The following RABGAP1L variants were observed in gnomAD, a reference collection of about 807,000 sequenced individuals.
RABGAP1L encodes the protein rab GTPase-activating protein 1-like.
In RABGAP1L, 63 loss-of-function variants were observed where a neutral mutation model predicts 137.7. The ratio of observed to expected loss-of-function variants is 0.46; its 90% CI spans 0.37 to 0.56. The LOEUF is 0.56. RABGAP1L is among the 20% of genes least tolerant of loss of function. The pLI is 0.00. For missense variants in RABGAP1L, 1,095 were observed against 1,244.0 expected (o/e 0.88, Z 1.80); for synonymous variants, 431 against 433.7 (o/e 0.99, Z 0.08).
chr1:174,472,116 T>C (rs1658010173), intron 13 of RABGAP1L, among the ~76,000 whole-genome samples: 1 of 152,210 alleles, frequency 6.6e-6, no homozygotes, highest in Non-Finnish European at 1.5e-5. Flanking sequence ...CTTTCCAGCT[T>C]CTAAAACTGT....
At chr1:174,322,750 A>G (rs544267231) in intron 11 of RABGAP1L, among the ~76,000 whole-genome samples, 2 of 152,278 alleles carry the variant, frequency 1.3e-5, no homozygotes, top group East Asian at 1.9e-4. Context: ...GGTCATCTCT[A>G]TCTCAGCTGA....
chr1:174,718,922 C>G (rs560681910), intron 17 of RABGAP1L, among the ~76,000 whole-genome samples: 2 of 150,534 alleles, frequency 1.3e-5, no homozygotes, highest in Non-Finnish European at 2.9e-5. Context: ...TCACCACAAC[C>G]TCTGCTTCCC....
chr1:174,904,828 G>C (rs866038997), intron 19 of RABGAP1L, among the ~76,000 whole-genome samples: 1 of 151,674 alleles, frequency 6.6e-6, no homozygotes, highest in African/African-American at 2.4e-5. Flanking sequence ...TTTAAAATTT[G>C]TTTGTAGAGA....
intron 18 of RABGAP1L, among the ~76,000 whole-genome samples, chr1:174,794,051 AC>A (rs1688058881): frequency 6.6e-6 from 1 of 152,086 alleles, no homozygotes. Flanking sequence ...ATTTTACACT[AC>A]CACGATGGCA....
At chr1:174,374,034 A>G (rs1246371336) in intron 12 of RABGAP1L, among the ~76,000 whole-genome samples, 2 of 152,238 alleles carry the variant, frequency 1.3e-5, no homozygotes, top group Non-Finnish European at 2.9e-5. Flanking sequence ...TAAGAAAAAA[A>G]ACAGCACCAA....
At chr1:174,355,725 G>A (rs1040759183) in intron 11 of RABGAP1L, among the ~76,000 whole-genome samples, 10 of 152,088 alleles carry the variant, frequency 6.6e-5, no homozygotes, top group African/African-American at 2.4e-4. Context: ...GGGTTTCAAT[G>A]ATTAATGATA....
intron 10 of RABGAP1L, among the ~76,000 whole-genome samples, chr1:174,302,311 A>G (rs1015157660): frequency 6.6e-6 from 1 of 152,240 alleles, no homozygotes; most frequent in East Asian, 1.9e-4. Flanking sequence ...AATGATAACA[A>G]GAAATAACAC....
intron 19 of RABGAP1L, among the ~76,000 whole-genome samples, chr1:174,841,844 A>G (rs1693440860): frequency 6.6e-6 from 1 of 151,816 alleles, no homozygotes; most frequent in African/African-American, 2.4e-5. Context: ...CTAAACTATT[A>G]GCACAGAATA....
chr1:174,597,622 T>C (rs1435840932), intron 13 of RABGAP1L, among the ~76,000 whole-genome samples: 2 of 152,120 alleles, frequency 1.3e-5, no homozygotes, highest in Non-Finnish European at 2.9e-5. Flanking sequence ...TCCTACAGGT[T>C]TGTTGATTTT....
chr1:174,487,625 A>G (rs527929246), intron 13 of RABGAP1L, among the ~76,000 whole-genome samples: 1 of 152,144 alleles, frequency 6.6e-6, no homozygotes, highest in South Asian at 2.1e-4. Context: ...TTTACATTCA[A>G]TGTTATTATT....
chr1:174,195,829 CCTT>C lies in RABGAP1L; in HGVS notation c.-33-23286_-33-23284del, dbSNP rs1172482971. On this transcript the variant is annotated intron_variant, in intron 1 of 25. Transcript: ENST00000681986. ...TCTTTCTATCCTTCTTTCTTTCTAT[CCTT>C]CTTCTTCTTTTTTTTTTTTTTGAGA... is the stretch of plus-strand genomic sequence containing the variant. Among the ~76,000 whole-genome samples the C allele has an allele frequency of 6.2e-4, 67 of 108,522 alleles. 2 individuals carry two copies. The highest frequency in any genetic ancestry group is 1.7e-3 in the African/African-American group (56 of 33,644). 71.2% of individuals were successfully genotyped at this position (108,522 alleles called of 152,430 possible).
At chr1:174,340,515 T>C (rs1368288226) in intron 11 of RABGAP1L, among the ~76,000 whole-genome samples, 3 of 152,222 alleles carry the variant, frequency 2.0e-5, no homozygotes, top group Non-Finnish European at 4.4e-5. Context: ...CTTATGAGAA[T>C]ATGCAGTGTT....
intron 13 of RABGAP1L, among the ~76,000 whole-genome samples, chr1:174,606,080 A>G (rs1670770203): frequency 6.6e-6 from 1 of 152,154 alleles, no homozygotes; most frequent in Non-Finnish European, 1.5e-5. Flanking sequence ...TGTTATAACA[A>G]GTTAGGGAGA....
rs1054068060 is a variant in RABGAP1L, at chr1:174,993,213, T to TA, written c.*3214dup. On this transcript the variant is annotated 3_prime_UTR_variant, in exon 26 of 26. Transcript: ENST00000681986. ...TTTAATGCAAAGAAATTCTGTTACT[T>TA]AATGTTCTGTTTATTTATGAGTGCC... 2 of 152,218 alleles carry TA rather than the reference T, an allele frequency of 1.3e-5. No individual in the cohort carries two copies. Among genetic ancestry groups the TA allele is most frequent in the Non-Finnish European group, 2.9e-5 (2 of 68,034 alleles). 9.4% of individuals were successfully genotyped at this position (152,218 alleles called of 1,614,324 possible). A position where few individuals can be genotyped will look rare whatever the true frequency, so the allele number is the denominator to read the frequency against.
chr1:174,768,980 G>T (rs931620286), intron 18 of RABGAP1L, among the ~76,000 whole-genome samples: 2 of 150,216 alleles, frequency 1.3e-5, no homozygotes, highest in Admixed American at 6.6e-5. Context: ...TATCAGAAAA[G>T]TTTTTTTTTT....
chr1:174,280,479 A>G (rs769543859), intron 10 of RABGAP1L, among the ~76,000 whole-genome samples: 2 of 152,202 alleles, frequency 1.3e-5, no homozygotes, highest in African/African-American at 2.4e-5. Flanking sequence ...CTGTACCCAG[A>G]CAGGATTAGA....
intron 13 of RABGAP1L, among the ~76,000 whole-genome samples, chr1:174,582,619 C>T (rs1215402736): frequency 5.9e-5 from 9 of 152,100 alleles, no homozygotes; most frequent in Non-Finnish European, 1.2e-4. Flanking sequence ...CTTTGTCAGT[C>T]GCTGTCCACT....
chr1:174,481,901 AAG>A (rs1202956455), intron 13 of RABGAP1L, among the ~76,000 whole-genome samples: 1 of 150,512 alleles, frequency 6.6e-6, no homozygotes, highest in Non-Finnish European at 1.5e-5. Context: ...AAGAAAAAAA[AAG>A]AAAAAAAAAA....
At position 174,444,178 on chromosome 1, in the gene RABGAP1L, A is replaced by C. The variant is rs181652523; in HGVS notation, c.1710+50033A>C. 1.9e-3 allele frequency among the ~76,000 whole-genome samples: 281 copies of C among 148,914 alleles called. 2 individuals are homozygous for C. The highest frequency in any genetic ancestry group is 1.2e-3 in the Non-Finnish European group (79 of 66,552). On this transcript the variant is annotated intron_variant, in intron 13 of 25. Transcript: ENST00000681986. ...TTCAGGGTCTTTTGTAGTTCCATAC[A>C]AATTTTAGGTTTTTTTTTTCTATTT...
Sources: allele counts gnomAD v4.1 joint callset (sites outside exome capture counted in the v4.1 genomes callset), GRCh38; gene constraint gnomAD v4.1.1; transcripts MANE v1.5; gene names NCBI Gene and HGNC (gene_info 2026-07-23, HGNC 2026-07-21).